The following DEF6 variants were observed in gnomAD, a reference collection of about 807,000 sequenced individuals.
DEF6 encodes differentially expressed in FDCP 6 homolog.
DEF6 carries 32 observed loss-of-function variants against 80.5 expected under a neutral mutation model. That is an observed-to-expected ratio of 0.40 (90% confidence interval 0.30 to 0.53). The LOEUF (loss-of-function observed/expected upper bound fraction) is 0.53. Ranked by LOEUF, DEF6 falls within the 20% of genes least tolerant of loss-of-function variation. The pLI is 0.57. For missense variants in DEF6, 575 were observed against 818.7 expected, an observed-to-expected ratio of 0.70 and a Z score of 3.63; for synonymous variants, 300 against 337.9, an observed-to-expected ratio of 0.89 and a Z score of 1.23.
chr6:35,305,209 G>A lies in DEF6; in HGVS notation c.97-4461G>A, dbSNP rs1011118306. 6.8e-5 allele frequency among the ~76,000 whole-genome samples: 10 copies of A among 147,474 alleles called. No homozygotes were observed. In the East Asian group the frequency reaches 1.7e-3, roughly 25 times the overall value. On this transcript the variant is annotated intron_variant, in intron 1 of 10. Transcript: ENST00000316637. ...CACTCAGGCTGGAGTTCAGTGGCAC[G>A]ATCTCAGCTCACTGCAGCCTTGACT...
intron 1 of DEF6, among the ~76,000 whole-genome samples, chr6:35,304,249 C>T (rs1024791766): frequency 7.2e-5 from 11 of 152,136 alleles, no homozygotes; most frequent in Non-Finnish European, 1.3e-4. Flanking sequence ...TGAGCCAGGG[C>T]GGTCGAGGCT....
intron 1 of DEF6, among the ~76,000 whole-genome samples, chr6:35,301,839 G>A (rs954904101): frequency 1.8e-4 from 27 of 149,508 alleles, no homozygotes; most frequent in Middle Eastern, 3.2e-3. Flanking sequence ...TGATTCTCCT[G>A]CCTCAGCCTC....
Position 35,318,427 on chromosome 6 carries a change from G to T in DEF6, c.1171G>T (p.Glu391Ter). 6.6e-7 allele frequency: 1 copy of T among 1,506,082 alleles called. No homozygotes were observed. The highest frequency in any genetic ancestry group is 8.8e-7 in the Non-Finnish European group (1 of 1,134,508). The allele number at this position is 1,506,082 out of a possible 1,614,324, so 93.3% of individuals were successfully genotyped here. The change falls in exon 7 of 11, where the codon GAG (glutamate) becomes TAG (stop). Residue 391 changes from glutamate to a stop codon, truncating the protein, a stop_gained. Transcript: ENST00000316637. LOFTEE classifies it high-confidence loss of function. This position sits in a 1 kb window ranked among gnomAD's most constrained non-coding sequence, Gnocchi z 5.1. ...GGAACGGCGCCGCAGCCAGCACCGC[G>T]AGCTGCAGCAGGCGCTCGAGGGCCA... ...EEERRRSQHR[E>*]LQQALEGQLR...
rs1791545743 is a variant in DEF6 at position 35,318,260 on chromosome 6, A to AGCGGGAGCG, written c.1008_1016dup (p.Glu337_Arg339dup). On this transcript the variant is annotated inframe_insertion, in exon 7 of 11. Coordinates refer to ENST00000316637, the MANE Select transcript of DEF6 (RefSeq NM_022047.4). The surrounding 1 kb of genome is among the most constrained non-coding windows in gnomAD (Gnocchi z 5.1). ...CAGAAACGGCGCGAGCAGCGGGAGC[A>AGCGGGAGCG]GCGGGAGCGGCGCCGGGCGGCCAAG... 4 of 1,583,572 alleles carry AGCGGGAGCG rather than the reference A, an allele frequency of 2.5e-6. No homozygotes were observed. The highest frequency in any genetic ancestry group is 3.4e-6 in the Non-Finnish European group (4 of 1,166,408).
intron 1 of DEF6, among the ~76,000 whole-genome samples, chr6:35,301,762 T>C (rs1791318147): frequency 6.9e-6 from 1 of 144,778 alleles, no homozygotes; most frequent in Non-Finnish European, 1.5e-5. Context: ...AGTCTTGCTC[T>C]GTCACCCAGG....
At chr6:35,309,641 A>G in intron 1 of DEF6, 29 bp from the exon 2 acceptor site, 1 of 1,607,074 alleles carries the variant, frequency 6.2e-7, no homozygotes. Flanking sequence ...GGGTGCAGAA[A>G]GACACACTGC....
chr6:35,309,746 A>ATGATGACG lies in DEF6; in HGVS notation c.174_181dup (p.Gly61ValfsTer40). On this transcript the variant is annotated frameshift_variant, in exon 2 of 11. Transcript: ENST00000316637. LOFTEE classifies it high-confidence loss of function. ...GCCCTGGAGGAACACTTCCGAGATG[A>ATGATGACG]TGATGACGGCCCTGTGTCCAGCCAG... The ATGATGACG allele has an allele frequency of 6.2e-7, 1 of 1,614,048 alleles. No homozygotes were observed. The highest frequency in any genetic ancestry group is 1.3e-5 in the African/African-American group (1 of 74,992).
Position 35,312,143 on chromosome 6 carries a change from T to G in DEF6, c.424-159T>G, listed in dbSNP as rs1371468660. Among the ~76,000 whole-genome samples, 1 of 152,108 alleles carries G rather than the reference T, an allele frequency of 6.6e-6. No individual in the cohort carries two copies. The highest frequency in any genetic ancestry group is 1.5e-5 in the Non-Finnish European group (1 of 68,008). ...GGGCTCCAGGATCCTCTCCCAGGTC[T>G]TTTCCCTGGCTCCATAACATTCGGT... On this transcript the variant is annotated intron_variant, in intron 3 of 10. Transcript: ENST00000316637. The surrounding 1 kb of genome is among the most constrained non-coding windows in gnomAD (Gnocchi z 6.6).
At chr6:35,308,722 TA>T (rs1562147984) in intron 1 of DEF6, among the ~76,000 whole-genome samples, 1 of 142,044 alleles carries the variant, frequency 7.0e-6, no homozygotes, top group Non-Finnish European at 1.5e-5. Context: ...TAAAATAAAA[TA>T]AAATAAATAA....
rs376850751 is a variant in DEF6, at chr6:35,300,655, G to A, written c.96+2703G>A. Among the ~76,000 whole-genome samples, 87 of 152,344 alleles carry A rather than the reference G, an allele frequency of 5.7e-4. 2 individuals carry two copies. The South Asian group carries it at 0.017, about 30-fold the overall frequency. On this transcript the variant is annotated intron_variant, in intron 1 of 10. Transcript: ENST00000316637. ...TTCATCCAGTTGGGTTGAGAACAGA[G>A]AAAGTAAACCAATAGGAATGGCACT...
chr6:35,310,353 C>T (rs572059067), intron 2 of DEF6, 106 bp from the exon 3 acceptor site: 3 of 1,238,896 alleles, frequency 2.4e-6, no homozygotes, highest in African/African-American at 3.0e-5. Flanking sequence ...CTGGACTTGG[C>T]CAGGTGGGGA....
At chr6:35,299,423 AC>A (rs1468279276) in intron 1 of DEF6, among the ~76,000 whole-genome samples, 2 of 151,774 alleles carry the variant, frequency 1.3e-5, no homozygotes, top group Non-Finnish European at 2.9e-5. Context: ...CTTCTGTATT[AC>A]CTGTGGCCAC....
At position 35,321,134 on chromosome 6, in the gene DEF6, G is replaced by A. The variant is rs76060165; in HGVS notation, c.1673-53G>A. The A allele has an allele frequency of 6.2e-4, 993 of 1,591,870 alleles. 10 individuals carry two copies. The East Asian group carries it at 0.016, about 26-fold the overall frequency. On this transcript the variant is annotated intron_variant, in intron 10 of 10. Coordinates refer to ENST00000316637, the MANE Select transcript of DEF6 (RefSeq NM_022047.4). The stretch of plus-strand genomic sequence containing the variant: ...TCTGAGGGCTGAGGCAAGGCCCCTC[G>A]CCTCTCACCTTTGCATGCCTTTCTC...
chr6:35,317,765 TG>T (rs1441352901), intron 5 of DEF6, 125 bp from the exon 6 acceptor site: 6 of 694,222 alleles, frequency 8.6e-6, no homozygotes, highest in Non-Finnish European at 1.4e-5. Flanking sequence ...TGCAGGCTCC[TG>T]GCAGAGTGGG....
Position 35,318,282 on chromosome 6 carries a change from C to T in DEF6, c.1026C>T (p.Ala342=). ...QREQRERRRA[A]KEEELLRLQQ... ...AGCAGCGGGAGCGGCGCCGGGCGGC[C>T]AAGGAAGAGGAGCTGCTGCGGCTGC... Residue 342 remains alanine, a synonymous_variant, in exon 7 of 11, where the codon GCC becomes GCT. Coordinates refer to ENST00000316637, the MANE Select transcript of DEF6 (RefSeq NM_022047.4). This position sits in a 1 kb window ranked among gnomAD's most constrained non-coding sequence, Gnocchi z 5.1. The T allele has an allele frequency of 6.4e-7, 1 of 1,564,162 alleles. No individual in the cohort carries two copies. Among genetic ancestry groups the T allele is most frequent in the Non-Finnish European group, 8.7e-7 (1 of 1,156,044 alleles).
intron 1 of DEF6, among the ~76,000 whole-genome samples, chr6:35,309,348 C>T (rs1791433137): frequency 6.6e-6 from 1 of 152,196 alleles, no homozygotes; most frequent in Admixed American, 6.5e-5. Flanking sequence ...AATGAAGTGG[C>T]TAAGAGTATA....
intron 1 of DEF6, 37 bp downstream of exon 1, chr6:35,297,989 T>C: frequency 2.0e-6 from 3 of 1,529,322 alleles, no homozygotes; most frequent in Non-Finnish European, 2.7e-6. Flanking sequence ...GGACGGCAGA[T>C]GCACCACACC....
rs992094647 is a variant in DEF6, at chr6:35,318,646, A to G, written c.1215+175A>G. Among the ~76,000 whole-genome samples the G allele has an allele frequency of 4.0e-5, 6 of 151,760 alleles. No individual in the cohort carries two copies. The highest frequency in any genetic ancestry group is 1.2e-4 in the African/African-American group (5 of 41,254). ...GACAGAGTCCGCGGGTTTGAAAAAGAGATTTGGGATGGGGCTTCCGCCAGG... is the reference window on the plus strand; with the variant it reads ...GACAGAGTCCGCGGGTTTGAAAAAGGGATTTGGGATGGGGCTTCCGCCAGG... On this transcript the variant is annotated intron_variant, in intron 7 of 10. Coordinates refer to ENST00000316637, the MANE Select transcript of DEF6 (RefSeq NM_022047.4). The surrounding 1 kb of genome is among the most constrained non-coding windows in gnomAD (Gnocchi z 5.1).
Position 35,312,893 on chromosome 6 carries a change from C to T in DEF6, c.807+121C>T. On this transcript the variant is annotated intron_variant, in intron 5 of 10. Coordinates refer to ENST00000316637, the MANE Select transcript of DEF6 (RefSeq NM_022047.4). This position sits in a 1 kb window ranked among gnomAD's most constrained non-coding sequence, Gnocchi z 6.6. ...AAAGCCACAGTGACACAAATTCCTG[C>T]TTAGATTAGTGTGACCCAAATATAT... is the stretch of plus-strand genomic sequence containing the variant. 1 of 1,241,414 alleles carries T rather than the reference C, an allele frequency of 8.1e-7. No homozygotes were observed. Among genetic ancestry groups the T allele is most frequent in the South Asian group, 1.5e-5 (1 of 68,456 alleles). The allele number at this position is 1,241,414 out of a possible 1,614,324, so 76.9% of individuals were successfully genotyped here. A position where few individuals can be genotyped will look rare whatever the true frequency, so the allele number is the denominator to read the frequency against.
Sources: allele counts gnomAD v4.1 joint callset (sites outside exome capture counted in the v4.1 genomes callset), GRCh38; gene constraint gnomAD v4.1.1; non-coding constraint Gnocchi (gnomAD v3.1); transcripts MANE v1.5; gene names NCBI Gene and HGNC (gene_info 2026-07-23, HGNC 2026-07-21).